The following NGEF variants were observed in gnomAD, a reference collection of about 807,000 sequenced individuals.
NGEF encodes ephexin-1.
In NGEF, 31 loss-of-function variants were observed where a neutral mutation model predicts 80.9. The ratio of observed to expected loss-of-function variants is 0.38; its 90% confidence interval spans 0.29 to 0.52. NGEF has a LOEUF of 0.52. Among genes scored for constraint, NGEF ranks in the 20% least tolerant of loss-of-function variants. The pLI is 0.84. For synonymous variants in NGEF, 371 were observed against 370.2 expected, an observed-to-expected ratio of 1.00 and a Z score of -0.03; for missense variants, 709 against 926.2, an observed-to-expected ratio of 0.77 and a Z score of 3.04.
In NGEF at chr2:232,900,615, C is replaced by T. The variant is rs1692309806; in HGVS notation, c.829-5699G>A. On this transcript the variant is annotated intron_variant, in intron 5 of 14. Coordinates refer to ENST00000264051, the MANE Select transcript of NGEF (RefSeq NM_019850.3). Reference sequence around the variant, plus strand: ...ACTCATATACACGTTCACTCACATACACACACGCTCTCACAGTCACTCATA... The same window carrying T: ...ACTCATATACACGTTCACTCACATATACACACGCTCTCACAGTCACTCATA... 2.0e-5 allele frequency among the ~76,000 whole-genome samples: 3 copies of T among 146,622 alleles called. 1 individual carries two copies. The highest frequency in any genetic ancestry group is 2.0e-4 in the Admixed American group (3 of 14,798).
At chr2:232,891,589 G>A (rs1054672854) in intron 7 of NGEF, 102 bp from the exon 8 acceptor site, 25 of 1,331,302 alleles carry the variant, frequency 1.9e-5, no homozygotes, top group Admixed American at 5.0e-5. Context: ...GACGACCCAC[G>A]GGCTCAGAAA....
chr2:232,963,767 C>G (rs186846949), intron 3 of NGEF, among the ~76,000 whole-genome samples: 4 of 151,814 alleles, frequency 2.6e-5, no homozygotes. Flanking sequence ...GAGCCAAGAT[C>G]GTGCCACTGC....
rs1692008737 is a variant in NGEF, at chr2:232,894,875, C to T, written c.870G>A (p.Lys290=). Residue 290 remains lysine (K), a synonymous_variant, in exon 6 of 15, where the codon AAG becomes AAA. Transcript: ENST00000264051. The part of the protein sequence containing the change: ...ELVTSEASYY[K]SLNLLVSHFM... ...AGTGGGACACGAGCAGGTTCAGACT[C>T]TTGTAGTAGGACGCCTCGGAAGTGA... 3.7e-6 allele frequency: 6 copies of T among 1,605,494 alleles called. No individual in the cohort carries two copies. The highest frequency in any genetic ancestry group is 5.1e-6 in the Non-Finnish European group (6 of 1,173,812).
rs531644800 is a variant in NGEF, at chr2:232,944,845, C to G, written c.384-17659G>C. ...CGGCTCACTGCAACCACCACCTCTCCGGTTCAAGTGATTCTCCTGCTTCAG... is the reference window on the plus strand; with the variant it reads ...CGGCTCACTGCAACCACCACCTCTCGGGTTCAAGTGATTCTCCTGCTTCAG... On this transcript the variant is annotated intron_variant, in intron 3 of 14. Coordinates refer to ENST00000264051, the MANE Select transcript of NGEF (RefSeq NM_019850.3). 7.5e-4 allele frequency among the ~76,000 whole-genome samples: 113 copies of G among 150,328 alleles called. 1 individual carries two copies. Among genetic ancestry groups the G allele is most frequent in the Non-Finnish European group, 1.4e-3 (98 of 67,694 alleles).
intron 3 of NGEF, among the ~76,000 whole-genome samples, chr2:232,939,815 C>T (rs757996730): frequency 6.6e-6 from 1 of 151,962 alleles, no homozygotes; most frequent in Admixed American, 6.6e-5. Context: ...CTGGGCAACA[C>T]GGTGAAACCC....
rs1449131526 is a variant in NGEF, at chr2:232,900,341, G to C, written c.829-5425C>G. On this transcript the variant is annotated intron_variant, in intron 5 of 14. Coordinates refer to ENST00000264051, the MANE Select transcript of NGEF (RefSeq NM_019850.3). ...ACATTCACTCACACACGCTCTCACA[G>C]TCACTCATACACGTTCACTCACATT... Among the ~76,000 whole-genome samples, 4 of 36,910 alleles carry C rather than the reference G, an allele frequency of 1.1e-4. 2 individuals are homozygous for C. The highest frequency in any genetic ancestry group is 2.0e-4 in the Non-Finnish European group (4 of 20,076). The allele number at this position is 36,910 out of a possible 152,430, so 24.2% of individuals were successfully genotyped here. A position where few individuals can be genotyped will look rare whatever the true frequency, so the allele number is the denominator to read the frequency against.
intron 1 of NGEF, among the ~76,000 whole-genome samples, chr2:232,988,405 A>G (rs1033359040): frequency 3.9e-5 from 6 of 152,232 alleles, no homozygotes; most frequent in Non-Finnish European, 7.3e-5. Flanking sequence ...TTAAGAGGAA[A>G]GAAAATTCAA....
intron 1 of NGEF, among the ~76,000 whole-genome samples, chr2:232,978,530 C>T (rs747980941): frequency 4.6e-5 from 7 of 152,002 alleles, no homozygotes; most frequent in Non-Finnish European, 7.4e-5. Context: ...CAAGACAAAA[C>T]GAAACAAAAA....
intron 5 of NGEF, 62 bp downstream of exon 5, chr2:232,920,222 C>A (rs1692907942): frequency 6.5e-7 from 1 of 1,526,858 alleles, no homozygotes; most frequent in African/African-American, 1.4e-5. Context: ...AAGCCTCACC[C>A]CCAGCAGTGA....
At chr2:232,886,439 C>A (rs183966295) in intron 9 of NGEF, among the ~76,000 whole-genome samples, 2 of 151,978 alleles carry the variant, frequency 1.3e-5, no homozygotes, top group African/African-American at 2.4e-5. Flanking sequence ...GTGTGCCCTG[C>A]GAGTGTGCTG....
At position 232,879,671 on chromosome 2, in the gene NGEF, A is replaced by T. The variant is rs1386494723; in HGVS notation, c.1951T>A (p.Phe651Ile). Residue 651 changes from phenylalanine (F) to isoleucine (I), a missense_variant, in exon 15 of 15, where the codon TTT (phenylalanine) becomes ATT (isoleucine). By Grantham distance (21) the Phe-to-Ile change is conservative. Coordinates refer to ENST00000264051, the MANE Select transcript of NGEF (RefSeq NM_019850.3). ...ILDKTDDGWI[F>I]GERLHDQERG... ...TCCTGGTCGTGCAGACGCTCGCCAA[A>T]GATCCACCCTGTGCAGGGAGGGGAG... 6.2e-7 allele frequency: 1 copy of T among 1,611,794 alleles called. No homozygotes were observed. The highest frequency in any genetic ancestry group is 8.5e-7 in the Non-Finnish European group (1 of 1,178,776).
intron 2 of NGEF, among the ~76,000 whole-genome samples, chr2:232,970,762 C>T (rs929523562): frequency 6.7e-6 from 1 of 150,188 alleles, no homozygotes; most frequent in East Asian, 1.9e-4. Flanking sequence ...TTGCAGTGAG[C>T]TGAGATCGTG....
intron 1 of NGEF, among the ~76,000 whole-genome samples, chr2:232,977,766 G>C (rs906414022): frequency 3.3e-5 from 5 of 152,230 alleles, no homozygotes; most frequent in African/African-American, 1.2e-4. Flanking sequence ...CCGAGCAGGA[G>C]GCACAGGCGG....
chr2:232,886,483 G>A (rs560599950), intron 9 of NGEF, among the ~76,000 whole-genome samples: 2 of 152,346 alleles, frequency 1.3e-5, no homozygotes, highest in East Asian at 3.9e-4. Context: ...GTCTGTTTAG[G>A]GCGAGCTGCA....
intron 3 of NGEF, among the ~76,000 whole-genome samples, chr2:232,943,397 A>C (rs577002964): frequency 6.6e-6 from 1 of 152,056 alleles, no homozygotes; most frequent in African/African-American, 2.4e-5. Flanking sequence ...AAAACTCCTG[A>C]GAATATATCC....
intron 3 of NGEF, among the ~76,000 whole-genome samples, chr2:232,969,842 T>G (rs546831196): frequency 1.6e-4 from 24 of 152,126 alleles, no homozygotes; most frequent in African/African-American, 4.8e-4. Context: ...TCTTAATATA[T>G]GTAGTATTCA....
intron 7 of NGEF, 139 bp from the exon 8 acceptor site, chr2:232,891,626 T>C: frequency 9.8e-7 from 1 of 1,020,598 alleles, no homozygotes; most frequent in East Asian, 2.7e-5. Context: ...CTTTGTTTTT[T>C]TTCAAAAGGA....
At chr2:232,932,685 T>A (rs1357645802) in intron 3 of NGEF, among the ~76,000 whole-genome samples, 1 of 152,116 alleles carries the variant, frequency 6.6e-6, no homozygotes, top group Non-Finnish European at 1.5e-5. Context: ...AGGCTGGAAG[T>A]CTGAGATCAT....
At chr2:233,001,109 C>G (rs1245609780) in intron 1 of NGEF, among the ~76,000 whole-genome samples, 1 of 152,168 alleles carries the variant, frequency 6.6e-6, no homozygotes, top group Non-Finnish European at 1.5e-5. Context: ...CCACAGCTGA[C>G]CAGAGCAGGG....
Sources: gnomAD v4.1 joint callset for allele counts (sites outside exome capture counted in the v4.1 genomes callset) on GRCh38, gnomAD v4.1.1 for gene constraint, MANE v1.5 for transcripts, NCBI Gene and HGNC (gene_info 2026-07-23, HGNC 2026-07-21) for gene names.